The following AK5 variants were observed in gnomAD, a reference collection of about 807,000 sequenced individuals.
The protein encoded by AK5 is adenylate kinase 5.
Under a neutral mutation model 69.5 loss-of-function variants are expected in AK5, and 27 were observed. The observed-to-expected ratio is 0.39, with a 90% CI of 0.29 to 0.54. The LOEUF (loss-of-function observed/expected upper bound fraction) is 0.54. Among genes scored for constraint, AK5 ranks in the 20% least tolerant of loss-of-function variants. AK5 has a pLI of 0.71. For missense variants in AK5, 531 were observed against 700.4 expected (o/e 0.76, Z 2.73); for synonymous variants, 260 against 244.4 (o/e 1.06, Z -0.60).
chr1:77,470,022 T>G (rs1263209251), intron 8 of AK5, among the ~76,000 whole-genome samples: 1 of 152,254 alleles, frequency 6.6e-6, no homozygotes, highest in Non-Finnish European at 1.5e-5. Flanking sequence ...AACATCGGAA[T>G]GTTTTGTAAC....
chr1:77,314,303 A>T (rs1049221852), intron 5 of AK5: 1 of 156,702 alleles, frequency 6.4e-6, no homozygotes, highest in Admixed American at 6.1e-5. Context: ...CTACTTTTTT[A>T]GAAACATAGA....
At chr1:77,550,931 C>T (rs568587164) in intron 13 of AK5, among the ~76,000 whole-genome samples, 73 of 152,312 alleles carry the variant, frequency 4.8e-4, no homozygotes, top group African/African-American at 1.6e-3. Context: ...AATTCCAGCA[C>T]TTTGGGAGGC....
chr1:77,386,043 T>A (rs932451886), intron 6 of AK5, among the ~76,000 whole-genome samples: 1 of 152,244 alleles, frequency 6.6e-6, no homozygotes, highest in Non-Finnish European at 1.5e-5. Context: ...ACTCTGTGTA[T>A]ATATTACTTT....
At chr1:77,443,668 G>A (rs2100641030) in intron 8 of AK5, among the ~76,000 whole-genome samples, 1 of 139,796 alleles carries the variant, frequency 7.2e-6, no homozygotes, top group South Asian at 2.4e-4. Context: ...AGAGTTTACT[G>A]TGGGGAGTCT....
intron 11 of AK5, among the ~76,000 whole-genome samples, chr1:77,520,870 C>T (rs866175106): frequency 1.3e-5 from 2 of 152,132 alleles, no homozygotes; most frequent in African/African-American, 2.4e-5. Flanking sequence ...TTGCAATGGC[C>T]GCATTCCCCA....
chr1:77,323,220 G>C (rs1660625637), intron 5 of AK5, among the ~76,000 whole-genome samples: 1 of 152,098 alleles, frequency 6.6e-6, no homozygotes, highest in Non-Finnish European at 1.5e-5. Context: ...TCAAATGCCT[G>C]ACCTCAGGGG....
At chr1:77,282,531 T>C (rs938207472) in intron 1 of AK5, 158 bp downstream of exon 1, 2 of 1,374,478 alleles carry the variant, frequency 1.5e-6, no homozygotes, top group African/African-American at 3.0e-5. Context: ...GGTAGTCGCC[T>C]TTCCCGCGGG....
intron 5 of AK5, among the ~76,000 whole-genome samples, chr1:77,301,546 C>T (rs941065123): frequency 3.9e-5 from 6 of 152,210 alleles, no homozygotes; most frequent in Admixed American, 6.5e-5. Context: ...CTCGCCTGCT[C>T]CCTTCTTCCC....
intron 8 of AK5, among the ~76,000 whole-genome samples, chr1:77,418,656 TG>T (rs1259354795): frequency 6.6e-5 from 10 of 152,238 alleles, no homozygotes; most frequent in African/African-American, 2.4e-4. Flanking sequence ...AAAAGAAAAA[TG>T]TCCAAAACTT....
rs1660270220 is a variant in AK5 at position 77,558,736 on chromosome 1, A to ATGTT, written c.*68_*71dup. On this transcript the variant is annotated 3_prime_UTR_variant, in exon 14 of 14. Transcript: ENST00000354567. ...ATTAAAAAGTTCATTCCTTAACACA[A>ATGTT]TGTTTCAAGTTAAACCTTTTGTGTC... 1 of 1,174,452 alleles carries ATGTT rather than the reference A, an allele frequency of 8.5e-7. No homozygotes were observed. The allele number at this position is 1,174,452 out of a possible 1,614,324, so 72.8% of individuals were successfully genotyped here.
At chr1:77,307,798 G>A (rs1315976934) in intron 5 of AK5, among the ~76,000 whole-genome samples, 1 of 152,222 alleles carries the variant, frequency 6.6e-6, no homozygotes, top group Non-Finnish European at 1.5e-5. Flanking sequence ...TGAGGGAGGA[G>A]TGGCATCTGC....
intron 8 of AK5, among the ~76,000 whole-genome samples, chr1:77,428,047 G>T (rs1249073172): frequency 6.6e-6 from 1 of 152,132 alleles, no homozygotes; most frequent in East Asian, 1.9e-4. Flanking sequence ...AACAGGGGAG[G>T]TCACATTTCA....
rs747857670 is a variant in AK5 at position 77,293,875 on chromosome 1, G to A, written c.330G>A (p.Thr110=). ...ATCAATTCTCCATAGAAAGTGACAC[G>A]GATCTCTCTGAGACTGCAGAGTTGA... is the stretch of plus-strand genomic sequence containing the variant. The part of the protein sequence containing the change: ...PIHQFSIESD[T]DLSETAELIE... Residue 110 remains threonine, a synonymous_variant, in exon 3 of 14, where the codon ACG becomes ACA. Coordinates refer to ENST00000354567, the MANE Select transcript of AK5 (RefSeq NM_174858.3). 1.9e-5 allele frequency: 30 copies of A among 1,613,414 alleles called. No individual in the cohort carries two copies. The highest frequency in any genetic ancestry group is 1.8e-4 in the East Asian group (8 of 44,854).
intron 8 of AK5, among the ~76,000 whole-genome samples, chr1:77,425,445 G>A (rs557402574): frequency 6.6e-6 from 1 of 152,086 alleles, no homozygotes; most frequent in Admixed American, 6.5e-5. Flanking sequence ...AAATTGGCCG[G>A]GTATGGTGGC....
chr1:77,307,659 G>A (rs1226798429), intron 5 of AK5, among the ~76,000 whole-genome samples: 1 of 152,128 alleles, frequency 6.6e-6, no homozygotes, highest in Non-Finnish European at 1.5e-5. Flanking sequence ...AAGTTTCTTT[G>A]TTGATTTTCT....
intron 8 of AK5, among the ~76,000 whole-genome samples, chr1:77,455,624 T>C (rs1425281068): frequency 1.3e-5 from 2 of 152,148 alleles, no homozygotes; most frequent in East Asian, 3.9e-4. Flanking sequence ...GAGCTATAAA[T>C]TTCCATTGCT....
chr1:77,283,086 C>T, intron 1 of AK5: 1 of 985,632 alleles, frequency 1.0e-6, no homozygotes, highest in Non-Finnish European at 1.2e-6. Context: ...TCCTGTTGCT[C>T]AGTCTTCAGA....
At chr1:77,495,438 G>C (rs1450135883) in intron 10 of AK5, among the ~76,000 whole-genome samples, 1 of 152,148 alleles carries the variant, frequency 6.6e-6, no homozygotes, top group Non-Finnish European at 1.5e-5. Context: ...AAATACGATA[G>C]CAAGTGAATA....
chr1:77,416,157 A>G (rs1425936660), intron 7 of AK5, among the ~76,000 whole-genome samples: 1 of 152,196 alleles, frequency 6.6e-6, no homozygotes, highest in Non-Finnish European at 1.5e-5. Context: ...ACCTTACAAA[A>G]TTATTTATTT....
Sources: allele counts gnomAD v4.1 joint callset (sites outside exome capture counted in the v4.1 genomes callset), GRCh38; gene constraint gnomAD v4.1.1; transcripts MANE v1.5; gene names NCBI Gene and HGNC (gene_info 2026-07-23, HGNC 2026-07-21).